The following CLEC16A variants were observed in gnomAD, a reference collection of about 807,000 sequenced individuals.
The protein encoded by CLEC16A is C-type lectin domain containing 16A.
In CLEC16A, 51 loss-of-function variants were observed where a neutral mutation model predicts 109.5. The ratio of observed to expected loss-of-function variants is 0.47; its 90% CI spans 0.37 to 0.59. The LOEUF (loss-of-function observed/expected upper bound fraction) is 0.59. CLEC16A is among the 20% of genes least tolerant of loss of function. The probability of loss-of-function intolerance (pLI) is 0.00; values close to 1 mark genes in which losing one functional copy is unlikely to be tolerated. For synonymous variants in CLEC16A, 673 were observed against 564.2 expected (o/e 1.19, Z -2.73); for missense variants, 1,339 against 1,394.0 (o/e 0.96, Z 0.63).
chr16:11,049,539 C>T (rs2047824026), intron 17 of CLEC16A, among the ~76,000 whole-genome samples: 2 of 152,090 alleles, frequency 1.3e-5, no homozygotes, highest in Non-Finnish European at 2.9e-5. Flanking sequence ...CTATACAATG[C>T]CTGGCATTCC....
chr16:11,135,174 C>A (rs2053484003), intron 22 of CLEC16A, among the ~76,000 whole-genome samples: 1 of 152,208 alleles, frequency 6.6e-6, no homozygotes, highest in Non-Finnish European at 1.5e-5. Flanking sequence ...GATCAGCCTT[C>A]AAGTGGTGGG....
At chr16:11,092,882 A>T (rs939517828) in intron 19 of CLEC16A, among the ~76,000 whole-genome samples, 1 of 152,136 alleles carries the variant, frequency 6.6e-6, no homozygotes, top group Non-Finnish European at 1.5e-5. Flanking sequence ...CCATAATAGA[A>T]TCCCCAATGC....
At chr16:11,139,087 C>A (rs1479398116) in intron 22 of CLEC16A, among the ~76,000 whole-genome samples, 2 of 152,076 alleles carry the variant, frequency 1.3e-5, no homozygotes, top group African/African-American at 2.4e-5. Flanking sequence ...CTAGCAAGGG[C>A]ATCTCGATGA....
chr16:11,154,626 C>T (rs929253975), intron 22 of CLEC16A, among the ~76,000 whole-genome samples: 2 of 152,124 alleles, frequency 1.3e-5, no homozygotes, highest in East Asian at 1.9e-4. Flanking sequence ...AAGACACTTA[C>T]GAAAATGAAA....
intron 9 of CLEC16A, among the ~76,000 whole-genome samples, 175 bp downstream of exon 9, chr16:10,979,557 G>C (rs986355414): frequency 6.6e-6 from 1 of 152,118 alleles, no homozygotes; most frequent in Non-Finnish European, 1.5e-5. Context: ...AATAGAGGTA[G>C]TGTGTATCTT....
intron 11 of CLEC16A, among the ~76,000 whole-genome samples, chr16:11,006,574 C>G (rs1346957737): frequency 1.3e-5 from 2 of 152,172 alleles, no homozygotes; most frequent in Non-Finnish European, 2.9e-5. Context: ...CCTCTGCATA[C>G]CCTGCCAATC....
chr16:11,100,014 C>G (rs140846363), intron 19 of CLEC16A, among the ~76,000 whole-genome samples: 1 of 152,112 alleles, frequency 6.6e-6, no homozygotes, highest in Non-Finnish European at 1.5e-5. Flanking sequence ...GGCTCTACAC[C>G]CCTGCCAACT....
chr16:10,967,223 C>T (rs371544978), intron 3 of CLEC16A, among the ~76,000 whole-genome samples: 8 of 152,184 alleles, frequency 5.3e-5, no homozygotes, highest in South Asian at 2.1e-4. Flanking sequence ...GCTTCCATCA[C>T]GATCCCGGGC....
intron 7 of CLEC16A, among the ~76,000 whole-genome samples, chr16:10,974,434 A>G (rs2042944107): frequency 1.3e-5 from 2 of 152,208 alleles, no homozygotes; most frequent in East Asian, 1.9e-4. Context: ...CCTTGGCTCT[A>G]TTGACCTCTT....
chr16:11,073,712 C>T (rs1465987558), intron 19 of CLEC16A, among the ~76,000 whole-genome samples: 1 of 152,214 alleles, frequency 6.6e-6, no homozygotes, highest in Non-Finnish European at 1.5e-5. Context: ...CAGCCTCCTT[C>T]CTCCTGCTCC....
intron 9 of CLEC16A, among the ~76,000 whole-genome samples, chr16:10,981,518 A>G (rs1382132906): frequency 7.2e-5 from 11 of 152,170 alleles, no homozygotes; most frequent in Admixed American, 5.9e-4. Flanking sequence ...AATTCTATGT[A>G]TTTGTTAGAA....
At position 11,156,706 on chromosome 16, in the gene CLEC16A, G is replaced by A. The variant is rs548584788; in HGVS notation, c.2642-9682G>A. The stretch of plus-strand genomic sequence containing the variant: ...CGGTAATACCAGTGGAAGAGGGCAG[G>A]GGCTGGGCGAGGCAGGGACTGGGTC... On this transcript the variant is annotated intron_variant, in intron 22 of 23. Transcript: ENST00000409790. The A allele has an allele frequency of 8.5e-6, 11 of 1,288,296 alleles. No homozygotes were observed. In the South Asian group the frequency reaches 1.4e-4, roughly 16 times the overall value. The allele number at this position is 1,288,296 out of a possible 1,614,324, so 79.8% of individuals were successfully genotyped here.
chr16:11,088,479 C>G (rs1292864102), intron 19 of CLEC16A, among the ~76,000 whole-genome samples: 1 of 152,224 alleles, frequency 6.6e-6, no homozygotes, highest in African/African-American at 2.4e-5. Context: ...CCAGAAAGAC[C>G]TTGGTGTATT....
intron 22 of CLEC16A, among the ~76,000 whole-genome samples, chr16:11,130,315 A>G (rs2053119173): frequency 6.6e-6 from 1 of 152,154 alleles, no homozygotes; most frequent in South Asian, 2.1e-4. Context: ...TGAACACGGG[A>G]AGACAAGGAA....
intron 11 of CLEC16A, among the ~76,000 whole-genome samples, chr16:11,011,621 G>C (rs1181442366): frequency 6.6e-6 from 1 of 152,168 alleles, no homozygotes; most frequent in African/African-American, 2.4e-5. Context: ...TAGAGGCCAA[G>C]ATTTGGGCAC....
chr16:11,175,576 G>T (rs1325172126), intron 23 of CLEC16A, among the ~76,000 whole-genome samples: 1 of 152,228 alleles, frequency 6.6e-6, no homozygotes, highest in Non-Finnish European at 1.5e-5. Context: ...GGATACCCTT[G>T]TAGATCAAGT....
At chr16:10,977,868 C>G (rs1485310240) in intron 8 of CLEC16A, among the ~76,000 whole-genome samples, 20 of 152,182 alleles carry the variant, frequency 1.3e-4, no homozygotes, top group Non-Finnish European at 1.5e-5. Flanking sequence ...TTCCTTTCCT[C>G]TTATTTCCTG....
At chr16:10,963,865 G>A (rs759827198) in intron 3 of CLEC16A, among the ~76,000 whole-genome samples, 1 of 152,196 alleles carries the variant, frequency 6.6e-6, no homozygotes, top group African/African-American at 2.4e-5. Context: ...GTAGAGGGTA[G>A]GGGTGCTGCT....
intron 11 of CLEC16A, among the ~76,000 whole-genome samples, chr16:11,013,921 A>G (rs1482447097): frequency 6.6e-6 from 1 of 152,156 alleles, no homozygotes; most frequent in Non-Finnish European, 1.5e-5. Context: ...CCTGGGCAAC[A>G]GAGTGAGACT....
Sources: gnomAD v4.1 joint callset for allele counts (sites outside exome capture counted in the v4.1 genomes callset) on GRCh38, gnomAD v4.1.1 for gene constraint, MANE v1.5 for transcripts, NCBI Gene and HGNC (gene_info 2026-07-23, HGNC 2026-07-21) for gene names.